Variants in HDAC5 observed in about 807,000 individuals in gnomAD.
HDAC5 encodes the protein antigen NY-CO-9.
A neutral mutation model predicts 133.3 loss-of-function variants in HDAC5; 25 were observed. That is an observed-to-expected ratio of 0.19 (90% CI 0.14 to 0.26). The LOEUF is 0.26. HDAC5 is among the 10% of genes least tolerant of loss of function. The pLI, the probability that HDAC5 is intolerant of heterozygous loss-of-function variation, is 1.00. For synonymous variants in HDAC5, 589 were observed against 610.8 expected, an observed-to-expected ratio of 0.96 and a Z score of 0.53; for missense variants, 1,041 against 1,460.5, an observed-to-expected ratio of 0.71 and a Z score of 4.68.
chr17:44,085,184 C>T (rs1201400632), intron 14 of HDAC5, 29 bp from the exon 15 acceptor site: 2 of 1,563,696 alleles, frequency 1.3e-6, no homozygotes, highest in East Asian at 2.3e-5. Context: ...TGTCAGCCAG[C>T]ACTGCTCTGG....
intron 11 of HDAC5, among the ~76,000 whole-genome samples, chr17:44,090,785 G>C (rs2050906892): frequency 6.6e-6 from 1 of 151,676 alleles, no homozygotes; most frequent in African/African-American, 2.4e-5. Context: ...CGCCTCCCAG[G>C]TTCACACTGT....
chr17:44,091,125 G>A, intron 11 of HDAC5, 145 bp downstream of exon 11: 1 of 714,612 alleles, frequency 1.4e-6, no homozygotes, highest in Non-Finnish European at 2.4e-6. Context: ...CTGGCATCCT[G>A]TAGGTATCCC....
At chr17:44,087,061 G>A (rs1444574631) in intron 13 of HDAC5, among the ~76,000 whole-genome samples, 1 of 151,820 alleles carries the variant, frequency 6.6e-6, no homozygotes, top group African/African-American at 2.4e-5. Context: ...GTGCCAGCTA[G>A]GCGCGAGGCA....
intron 2 of HDAC5, among the ~76,000 whole-genome samples, chr17:44,112,098 C>CT (rs1368446032): frequency 2.0e-5 from 3 of 152,148 alleles, no homozygotes; most frequent in African/African-American, 7.2e-5. Context: ...GCTGGGATGT[C>CT]TGAGGCTCAA....
At chr17:44,120,548 C>G (rs1209818975) in intron 1 of HDAC5, 2 of 152,184 alleles carry the variant, frequency 1.3e-5, no homozygotes, top group Non-Finnish European at 1.5e-5. Flanking sequence ...CCAGACCAGC[C>G]TGATCAACAT....
intron 9 of HDAC5, 101 bp from the exon 10 acceptor site, chr17:44,091,932 G>T (rs2050971558): frequency 1.5e-6 from 2 of 1,367,336 alleles, no homozygotes; most frequent in Non-Finnish European, 9.9e-7. Flanking sequence ...ATGGTGCCCA[G>T]TTCCCTCTAC....
intron 3 of HDAC5, among the ~76,000 whole-genome samples, chr17:44,101,450 A>G (rs893844405): frequency 1.2e-4 from 17 of 147,014 alleles, no homozygotes; most frequent in Non-Finnish European, 2.0e-4. Flanking sequence ...TCCAGGAGCC[A>G]CCAGCCCCAG....
chr17:44,105,937 G>A (rs951565090), intron 3 of HDAC5, among the ~76,000 whole-genome samples: 1 of 152,186 alleles, frequency 6.6e-6, no homozygotes, highest in Non-Finnish European at 1.5e-5. Context: ...TGGTTCCTGG[G>A]CTGCCCTACA....
intron 1 of HDAC5, among the ~76,000 whole-genome samples, chr17:44,119,244 G>C (rs956172002): frequency 1.3e-5 from 2 of 152,236 alleles, no homozygotes; most frequent in Non-Finnish European, 2.9e-5. Flanking sequence ...AGTTCAGCCT[G>C]TGCCCACACC....
chr17:44,119,786 T>C (rs1259419409), intron 1 of HDAC5, among the ~76,000 whole-genome samples: 1 of 152,124 alleles, frequency 6.6e-6, no homozygotes, highest in Non-Finnish European at 1.5e-5. Context: ...AGCCTGATGT[T>C]TAAAACCTGA....
chr17:44,092,782 G>A lies in HDAC5; in HGVS notation c.666C>T (p.Asp222=), dbSNP rs1319096883. Residue 222 remains aspartate (D), a synonymous_variant, in exon 7 of 27, where the codon GAC becomes GAT. Coordinates refer to ENST00000682912, the MANE Select transcript of HDAC5 (RefSeq NM_005474.5). ...KCWGAHHASL[D]QSSPPQSGPP... The stretch of plus-strand genomic sequence containing the variant: ...GGCCGCTCTGGGGAGGGGAACTCTG[G>A]TCCAAAGAAGCATGGTGGGCTCCCC... 3.2e-6 allele frequency: 4 copies of A among 1,252,812 alleles called. No homozygotes were observed. Among genetic ancestry groups the A allele is most frequent in the Non-Finnish European group, 4.3e-6 (4 of 922,370 alleles). The allele number at this position is 1,252,812 out of a possible 1,614,324, so 77.6% of individuals were successfully genotyped here. A position where few individuals can be genotyped will look rare whatever the true frequency, so the allele number is the denominator to read the frequency against.
chr17:44,084,943 G>C, intron 15 of HDAC5, 79 bp downstream of exon 15: 1 of 1,506,316 alleles, frequency 6.6e-7, no homozygotes. Context: ...TGAGGAAGAA[G>C]CATGAAGAGA....
Position 44,092,761 on chromosome 17 carries a change from G to T in HDAC5, c.687C>A (p.Ser229Arg). 3 of 1,325,306 alleles carry T rather than the reference G, an allele frequency of 2.3e-6. No individual in the cohort carries two copies. Among genetic ancestry groups the T allele is most frequent in the Non-Finnish European group, 3.0e-6 (3 of 990,472 alleles). The allele number at this position is 1,325,306 out of a possible 1,614,324, so 82.1% of individuals were successfully genotyped here. ...AGGAGGGAGGCGTCCCAGGGGGGCC[G>T]CTCTGGGGAGGGGAACTCTGGTCCA... ...ASLDQSSPPQ[S>R]GPPGTPPSYK... The change falls in exon 7 of 27, where the codon AGC becomes AGA. Residue 229 changes from serine to arginine, a missense_variant. This residue lies in a region of HDAC5 where 56 missense variants were observed against 41.3 expected (regional missense o/e 1.36). Transcript: ENST00000682912.
chr17:44,079,963 G>T, intron 23 of HDAC5, 144 bp downstream of exon 23: 1 of 679,900 alleles, frequency 1.5e-6, no homozygotes, highest in Non-Finnish European at 2.6e-6. Context: ...CAAGTTGGGG[G>T]AGTTACCAAG....
Position 44,111,392 on chromosome 17 carries a change from A to G in HDAC5, c.23-592T>C, listed in dbSNP as rs544435474. 7 of 340,486 alleles carry G rather than the reference A, an allele frequency of 2.1e-5. No homozygotes were observed. In the East Asian group the frequency reaches 5.4e-4, roughly 26 times the overall value. The allele number at this position is 340,486 out of a possible 1,614,324, so 21.1% of individuals were successfully genotyped here. A position where few individuals can be genotyped will look rare whatever the true frequency, so the allele number is the denominator to read the frequency against. ...CAGGAGGAAGCGCCAGGCGAGGGGG[A>G]TGGGAACAGGGGAGGGCCTGCACTC... On this transcript the variant is annotated intron_variant, in intron 2 of 26. Transcript: ENST00000682912.
At position 44,078,527 on chromosome 17, in the gene HDAC5, G is replaced by A. The variant is rs755301392; in HGVS notation, c.3302C>T (p.Ala1101Val). The change falls in exon 26 of 27, where the codon GCT (alanine) becomes GTT (valine). Residue 1101 changes from alanine to valine, a missense_variant. Physicochemically the swap from Ala to Val is moderately conservative, Grantham distance 64 (BLOSUM62 0). Transcript: ENST00000682912. ...GGGGCTGTGTTCCCGGGCTGCCGCA[G>A]CCTGGGCCTGCTCGGCCCCCACCGA... ...LLSVGAEQAQ[A>V]AAAREHSPRP... 7.4e-6 allele frequency: 12 copies of A among 1,611,882 alleles called. No homozygotes were observed. Among genetic ancestry groups the A allele is most frequent in the South Asian group, 4.4e-5 (4 of 90,904 alleles).
In HDAC5 at chr17:44,092,048, T is replaced by A. The variant is rs965819124; in HGVS notation, c.1032+124A>T. 3 of 956,192 alleles carry A rather than the reference T, an allele frequency of 3.1e-6. No homozygotes were observed. In the South Asian group the frequency reaches 5.0e-5, roughly 16 times the overall value. The allele number at this position is 956,192 out of a possible 1,614,324, so 59.2% of individuals were successfully genotyped here. A position where few individuals can be genotyped will look rare whatever the true frequency, so the allele number is the denominator to read the frequency against. On this transcript the variant is annotated intron_variant, in intron 9 of 26. Coordinates refer to ENST00000682912, the MANE Select transcript of HDAC5 (RefSeq NM_005474.5). ...GTCCAAGCAAGGATCCTCCAGCCTATTCATGTGGGCAGAGAGGTCTCTGCT... is the reference window on the plus strand; with the variant it reads ...GTCCAAGCAAGGATCCTCCAGCCTAATCATGTGGGCAGAGAGGTCTCTGCT...
Position 44,088,512 on chromosome 17 carries a change from G to C in HDAC5, c.1474C>G (p.Pro492Ala). ...RTVGKLPRHRPLSRTQSSPLP... is the reference protein window; with the variant it reads ...RTVGKLPRHRALSRTQSSPLP... ...GGTGAGGACTGAGTGCGGCTCAGGG[G>C]CCGATGCCGCGGGAGCTTGCCTACC... Residue 492 changes from proline (P) to alanine (A), a missense_variant, in exon 12 of 27, where the codon CCC (proline) becomes GCC (alanine). Physicochemically the swap from Pro to Ala is conservative, Grantham distance 27. Transcript: ENST00000682912. 1 of 1,613,314 alleles carries C rather than the reference G, an allele frequency of 6.2e-7. No homozygotes were observed.
In HDAC5 at chr17:44,080,890, G is replaced by A. The variant is rs1327136755; in HGVS notation, c.2608-8C>T. The A allele has an allele frequency of 2.5e-6, 4 of 1,614,142 alleles. No homozygotes were observed. Among genetic ancestry groups the A allele is most frequent in the African/African-American group, 2.7e-5 (2 of 75,034 alleles). ...ATTGCCATGGTGAATGTCCTATGAG[G>A]GGAGGTAGAAGCATCGGGAAAATGG... On this transcript the variant is annotated splice_region_variant and splice_polypyrimidine_tract_variant and intron_variant, in intron 20 of 26. Transcript: ENST00000682912.
Sources: allele counts gnomAD v4.1 joint callset (sites outside exome capture counted in the v4.1 genomes callset), GRCh38; gene constraint gnomAD v4.1.1; regional missense constraint gnomAD v4.1.1; transcripts MANE v1.5; gene names NCBI Gene and HGNC (gene_info 2026-07-23, HGNC 2026-07-21).